Variants in PLA2G4A observed in about 807,000 individuals in gnomAD.
The protein encoded by PLA2G4A is cytosolic phospholipase A2.
PLA2G4A carries 40 observed loss-of-function variants against 81.9 expected under a neutral mutation model. The ratio of observed to expected loss-of-function variants is 0.49; its 90% CI spans 0.38 to 0.64. The LOEUF (loss-of-function observed/expected upper bound fraction) is 0.64, where lower values mean the gene tolerates loss of function less well. PLA2G4A is among the 30% of genes least tolerant of loss of function. The pLI, the probability that PLA2G4A is intolerant of heterozygous loss-of-function variation, is 0.00. For missense variants in PLA2G4A, 715 were observed against 905.1 expected, an observed-to-expected ratio of 0.79 and a Z score of 2.69; for synonymous variants, 302 against 296.9, an observed-to-expected ratio of 1.02 and a Z score of -0.18.
chr1:186,877,023 G>A (rs1194371234), intron 3 of PLA2G4A, among the ~76,000 whole-genome samples: 1 of 152,010 alleles, frequency 6.6e-6, no homozygotes, highest in Non-Finnish European at 1.5e-5. Flanking sequence ...AAATATTGGG[G>A]TGAGAAGCAG....
chr1:186,877,847 T>A (rs2102072904), intron 3 of PLA2G4A, among the ~76,000 whole-genome samples: 1 of 151,080 alleles, frequency 6.6e-6, no homozygotes, highest in South Asian at 2.1e-4. Flanking sequence ...CTTCCTTTTT[T>A]GCTTCAGTGA....
At chr1:186,940,617 G>C (rs1316391768) in intron 10 of PLA2G4A, among the ~76,000 whole-genome samples, 1 of 152,050 alleles carries the variant, frequency 6.6e-6, no homozygotes, top group Non-Finnish European at 1.5e-5. Context: ...TCATCTCTAG[G>C]TTATTTACAA....
chr1:186,852,781 A>G (rs1247741717), intron 1 of PLA2G4A, among the ~76,000 whole-genome samples: 1 of 152,022 alleles, frequency 6.6e-6, no homozygotes, highest in Admixed American at 6.6e-5. Context: ...TGGAGGGAAT[A>G]ATAAAACTAT....
intron 1 of PLA2G4A, among the ~76,000 whole-genome samples, chr1:186,850,891 T>C (rs964050809): frequency 2.6e-5 from 4 of 151,942 alleles, no homozygotes; most frequent in Admixed American, 1.3e-4. Context: ...GGCAAATATA[T>C]AAAAAAAACT....
chr1:186,979,729 T>C (rs1657654685), intron 17 of PLA2G4A, among the ~76,000 whole-genome samples: 1 of 152,082 alleles, frequency 6.6e-6, no homozygotes, highest in African/African-American at 2.4e-5. Context: ...GAAGTATCTA[T>C]GTATTTATTA....
intron 8 of PLA2G4A, among the ~76,000 whole-genome samples, chr1:186,934,739 G>A (rs1286099964): frequency 6.6e-6 from 1 of 151,748 alleles, no homozygotes; most frequent in African/African-American, 2.4e-5. Context: ...TGGTGTAGGG[G>A]AGGGAGGGAT....
In PLA2G4A at chr1:186,956,189, A is replaced by G. The variant is rs752460254; in HGVS notation, c.1424A>G (p.Asp475Gly). Residue 475 changes from aspartate (D) to glycine (G), a missense_variant, in exon 14 of 18, where the codon GAT (aspartate) becomes GGT (glycine). By Grantham distance (94) the Asp-to-Gly change is moderately conservative. Coordinates refer to ENST00000367466, the MANE Select transcript of PLA2G4A (RefSeq NM_024420.3). ...IHRMIMALVS[D>G]SALFNTREGR... ...CGTATGATAATGGCCTTGGTGAGTG[A>G]TTCAGCTTTATTCAATACCAGAGAA... is the stretch of plus-strand genomic sequence containing the variant. 14 of 1,613,822 alleles carry G rather than the reference A, an allele frequency of 8.7e-6. No individual in the cohort carries two copies. The East Asian group carries it at 3.1e-4, about 36-fold the overall frequency.
At chr1:186,966,624 T>A (rs1471147897) in intron 15 of PLA2G4A, among the ~76,000 whole-genome samples, 1 of 152,166 alleles carries the variant, frequency 6.6e-6, no homozygotes, top group Non-Finnish European at 1.5e-5. Context: ...AGCTTCTGAA[T>A]GTGGCAATAT....
chr1:186,979,054 C>A (rs1657629628), intron 16 of PLA2G4A, among the ~76,000 whole-genome samples: 1 of 152,172 alleles, frequency 6.6e-6, no homozygotes. Context: ...GAATTTCCAG[C>A]CTGCTGTGAG....
intron 1 of PLA2G4A, among the ~76,000 whole-genome samples, chr1:186,843,171 T>A (rs957909949): frequency 6.6e-6 from 1 of 152,228 alleles, no homozygotes; most frequent in African/African-American, 2.4e-5. Flanking sequence ...AAAGTAGTGA[T>A]AATAATCCCT....
At chr1:186,839,666 C>T (rs888122904) in intron 1 of PLA2G4A, among the ~76,000 whole-genome samples, 2 of 152,134 alleles carry the variant, frequency 1.3e-5, no homozygotes, top group African/African-American at 2.4e-5. Context: ...CAGTTCATTT[C>T]AACCTGAGTT....
chr1:186,868,063 G>T (rs1220528374), intron 2 of PLA2G4A, among the ~76,000 whole-genome samples: 1 of 138,598 alleles, frequency 7.2e-6, no homozygotes, highest in Non-Finnish European at 1.5e-5. Context: ...TGGTCACGGT[G>T]TATAATTCTT....
intron 13 of PLA2G4A, among the ~76,000 whole-genome samples, chr1:186,952,907 T>C (rs1347937552): frequency 6.6e-6 from 1 of 152,194 alleles, no homozygotes; most frequent in Non-Finnish European, 1.5e-5. Flanking sequence ...TGAATAATAT[T>C]ACATTGTCAG....
chr1:186,958,907 A>G (rs937715435), intron 14 of PLA2G4A, among the ~76,000 whole-genome samples: 2 of 152,188 alleles, frequency 1.3e-5, no homozygotes, highest in Non-Finnish European at 2.9e-5. Context: ...AAATATGTAT[A>G]TGGATAATTT....
chr1:186,947,947 G>A (rs1656400978), intron 12 of PLA2G4A, among the ~76,000 whole-genome samples: 1 of 152,156 alleles, frequency 6.6e-6, no homozygotes, highest in Admixed American at 6.6e-5. Context: ...TAAACAAGCT[G>A]TCCTTGGTTA....
At chr1:186,899,681 C>T (rs913890051) in intron 5 of PLA2G4A, among the ~76,000 whole-genome samples, 10 of 152,092 alleles carry the variant, frequency 6.6e-5, no homozygotes, top group Admixed American at 3.3e-4. Flanking sequence ...ATGGAAGGTT[C>T]GTGACCAGGT....
chr1:186,944,234 G>A (rs915164691), intron 10 of PLA2G4A, among the ~76,000 whole-genome samples: 19 of 152,174 alleles, frequency 1.2e-4, no homozygotes, highest in African/African-American at 3.1e-4. Context: ...ACATGGAAGC[G>A]CAGGAGAGAG....
intron 1 of PLA2G4A, among the ~76,000 whole-genome samples, chr1:186,843,958 T>G (rs1048897749): frequency 3.9e-5 from 6 of 152,168 alleles, no homozygotes; most frequent in African/African-American, 1.4e-4. Context: ...GAATACAAAT[T>G]TGATAGATTA....
At chr1:186,921,016 C>T (rs1655330999) in intron 7 of PLA2G4A, among the ~76,000 whole-genome samples, 1 of 152,238 alleles carries the variant, frequency 6.6e-6, no homozygotes. Flanking sequence ...GTAAGCCTCA[C>T]ACAGTCTTTC....
Sources: allele counts gnomAD v4.1 joint callset (sites outside exome capture counted in the v4.1 genomes callset), GRCh38; gene constraint gnomAD v4.1.1; transcripts MANE v1.5; gene names NCBI Gene and HGNC (gene_info 2026-07-23, HGNC 2026-07-21).